Variants in SYTL1 observed in about 807,000 individuals in gnomAD.
The protein encoded by SYTL1 is synaptotagmin like 1.
In SYTL1, 53 loss-of-function variants were observed where a neutral mutation model predicts 74.6. The ratio of observed to expected loss-of-function variants is 0.71; its 90% CI spans 0.57 to 0.89. SYTL1 has a LOEUF of 0.89. Among genes scored for constraint, SYTL1 ranks in the 40% least tolerant of loss-of-function variants. The pLI is 0.00. For synonymous variants in SYTL1, 329 were observed against 324.9 expected (o/e 1.01, Z -0.14); for missense variants, 728 against 768.7 (o/e 0.95, Z 0.63).
At chr1:27,349,851 G>A in intron 8 of SYTL1, 86 bp downstream of exon 8, 1 of 1,536,144 alleles carries the variant, frequency 6.5e-7, no homozygotes, top group Non-Finnish European at 8.7e-7. Context: ...CTCGCCGCGG[G>A]ACCCACCGCT....
rs751247714 is a variant in SYTL1 at position 27,347,450 on chromosome 1, G to A, written c.221G>A (p.Gly74Glu). Residue 74 changes from glycine to glutamate, a missense_variant, in exon 3 of 15, where the codon GGG (glycine) becomes GAG (glutamate). By Grantham distance (98) the Gly-to-Glu change is moderately conservative. Transcript: ENST00000616558. This position sits in a 1 kb window ranked among gnomAD's most constrained non-coding sequence, Gnocchi z 4.9. ...SKLRASVADP[G>E]QLKILTGDWF... ...CTCCGGGCCTCAGTGGCAGACCCTG[G>A]GCAGCTGAAGATCCTGACAGGGGAC... The A allele has an allele frequency of 2.2e-5, 36 of 1,613,986 alleles. No homozygotes were observed. Among genetic ancestry groups the A allele is most frequent in the Non-Finnish European group, 3.0e-5 (35 of 1,180,046 alleles).
At position 27,343,588 on chromosome 1, in the gene SYTL1, ATG is replaced by A. The variant is rs914036776; in HGVS notation, c.-39+1450_-39+1451del. ...GTTCCTGGTGCGGGGGAGTGAGCAG[ATG>A]TGTGTGTGTGTACGTGTGTGTGTGT... On this transcript the variant is annotated intron_variant, in intron 1 of 14. Transcript: ENST00000616558. The surrounding 1 kb of genome is among the most constrained non-coding windows in gnomAD (Gnocchi z 5.2). Among the ~76,000 whole-genome samples, 30 of 148,110 alleles carry A rather than the reference ATG, an allele frequency of 2.0e-4. No homozygotes were observed. Among genetic ancestry groups the A allele is most frequent in the African/African-American group, 7.5e-4 (30 of 40,180 alleles).
At chr1:27,349,873 G>T (rs766243498) in intron 8 of SYTL1, 99 bp from the exon 9 acceptor site, 3 of 1,536,220 alleles carry the variant, frequency 2.0e-6, no homozygotes, top group South Asian at 1.2e-5. Context: ...CAGCCCCCCA[G>T]CCTGCCACCT....
intron 8 of SYTL1, 102 bp from the exon 9 acceptor site, chr1:27,349,870 C>T (rs955566495): frequency 1.3e-5 from 20 of 1,534,668 alleles, no homozygotes; most frequent in Middle Eastern, 1.8e-4. Context: ...CTGCAGCCCC[C>T]CAGCCTGCCA....
intron 2 of SYTL1, among the ~76,000 whole-genome samples, chr1:27,346,164 C>T (rs1487763432): frequency 6.6e-6 from 1 of 152,258 alleles, no homozygotes; most frequent in East Asian, 1.9e-4. Context: ...TCCACTGGGC[C>T]TCCCTGGTCG....
At position 27,347,929 on chromosome 1, in the gene SYTL1, G is replaced by T; in HGVS notation, c.414-38G>T. On this transcript the variant is annotated intron_variant, in intron 4 of 14. Transcript: ENST00000616558. The surrounding 1 kb of genome is among the most constrained non-coding windows in gnomAD (Gnocchi z 4.9). ...GGAGATGGTGCCCACCAGTCACCAG[G>T]GTCCCTCCCTCTGAGAGCGTCCTCT... 1 of 1,614,054 alleles carries T rather than the reference G, an allele frequency of 6.2e-7. No homozygotes were observed. Among genetic ancestry groups the T allele is most frequent in the Middle Eastern group, 1.6e-4 (1 of 6,062 alleles).
rs1377128689 is a variant in SYTL1 at position 27,351,276 on chromosome 1, G to A, written c.1183G>A (p.Asp395Asn). Residue 395 changes from aspartate to asparagine, a missense_variant, in exon 12 of 15, where the codon GAC becomes AAC. Physicochemically the swap from Asp to Asn is conservative, Grantham distance 23. Coordinates refer to ENST00000616558, the MANE Select transcript of SYTL1 (RefSeq NM_001193308.2). The surrounding 1 kb of genome is among the most constrained non-coding windows in gnomAD (Gnocchi z 5.0). ...CTCGCAGGTCCCACCCTCTCCCGAC[G>A]ACCTTCCGAGCCGCGGGTTACTCGC... is the stretch of plus-strand genomic sequence containing the variant. ...LQPRVPPSPD[D>N]LPSRGLLALS... 38 of 1,560,456 alleles carry A rather than the reference G, an allele frequency of 2.4e-5. No homozygotes were observed. Among genetic ancestry groups the A allele is most frequent in the Non-Finnish European group, 3.1e-5 (36 of 1,153,436 alleles).
chr1:27,350,544 G>T lies in SYTL1; in HGVS notation c.1005+59G>T. 1 of 1,435,348 alleles carries T rather than the reference G, an allele frequency of 7.0e-7. No individual in the cohort carries two copies. Among genetic ancestry groups the T allele is most frequent in the East Asian group, 2.3e-5 (1 of 43,804 alleles). The allele number at this position is 1,435,348 out of a possible 1,614,324, so 88.9% of individuals were successfully genotyped here. A position where few individuals can be genotyped will look rare whatever the true frequency, so the allele number is the denominator to read the frequency against. ...ATGAACTGGACGCCCCCTTCCTGCGGGGCTAGGTGGCAAGGGCAGCCAGTA... is the reference window on the plus strand; with the variant it reads ...ATGAACTGGACGCCCCCTTCCTGCGTGGCTAGGTGGCAAGGGCAGCCAGTA... On this transcript the variant is annotated intron_variant, in intron 10 of 14. Coordinates refer to ENST00000616558, the MANE Select transcript of SYTL1 (RefSeq NM_001193308.2). This position sits in a 1 kb window ranked among gnomAD's most constrained non-coding sequence, Gnocchi z 6.3.
At position 27,351,161 on chromosome 1, in the gene SYTL1, G is replaced by A; in HGVS notation, c.1165-97G>A. 1 of 1,438,896 alleles carries A rather than the reference G, an allele frequency of 6.9e-7. No individual in the cohort carries two copies. The allele number at this position is 1,438,896 out of a possible 1,614,324, so 89.1% of individuals were successfully genotyped here. A position where few individuals can be genotyped will look rare whatever the true frequency, so the allele number is the denominator to read the frequency against. ...AGGTTCTGCCCCTGCAGGCCCCGCCGTCTCTTCTAGCCGCACCCCATCCGG... is the reference window on the plus strand; with the variant it reads ...AGGTTCTGCCCCTGCAGGCCCCGCCATCTCTTCTAGCCGCACCCCATCCGG... On this transcript the variant is annotated intron_variant, in intron 11 of 14. Coordinates refer to ENST00000616558, the MANE Select transcript of SYTL1 (RefSeq NM_001193308.2). This position sits in a 1 kb window ranked among gnomAD's most constrained non-coding sequence, Gnocchi z 5.0.
Position 27,351,089 on chromosome 1 carries a change from G to A in SYTL1, c.1164+137G>A. The A allele has an allele frequency of 7.4e-7, 1 of 1,342,576 alleles. No individual in the cohort carries two copies. The highest frequency in any genetic ancestry group is 2.5e-5 in the East Asian group (1 of 39,728). The allele number at this position is 1,342,576 out of a possible 1,614,324, so 83.2% of individuals were successfully genotyped here. On this transcript the variant is annotated intron_variant, in intron 11 of 14. Transcript: ENST00000616558. The surrounding 1 kb of genome is among the most constrained non-coding windows in gnomAD (Gnocchi z 5.0). The stretch of plus-strand genomic sequence containing the variant: ...ACCTCTTAACCTCATGGCCCCAGGC[G>A]AAGCCCGGCCGGCCACGGCCCCTTC...
At position 27,342,718 on chromosome 1, in the gene SYTL1, CAA is replaced by C. The variant is rs1230619628; in HGVS notation, c.-39+570_-39+571del. 1.3e-5 allele frequency among the ~76,000 whole-genome samples: 2 copies of C among 152,230 alleles called. No individual in the cohort carries two copies. The highest frequency in any genetic ancestry group is 2.9e-5 in the Non-Finnish European group (2 of 68,048). Reference sequence around the variant, plus strand: ...TGCAGCATCACACTGCAACAGGACACAAAGACACACAGCAACTACACAGCTCA... The same window carrying C: ...TGCAGCATCACACTGCAACAGGACACAGACACACAGCAACTACACAGCTCA... On this transcript the variant is annotated intron_variant, in intron 1 of 14. Transcript: ENST00000616558. The surrounding 1 kb of genome is among the most constrained non-coding windows in gnomAD (Gnocchi z 4.7).
chr1:27,351,435 C>A lies in SYTL1; in HGVS notation c.1244-21C>A, dbSNP rs561121802. The stretch of plus-strand genomic sequence containing the variant: ...CGGTGGACTCCATCCGTGTGCGGGC[C>A]TGAGCCGAGCCTCTCCGCAGGCGCA... On this transcript the variant is annotated intron_variant, in intron 12 of 14. Coordinates refer to ENST00000616558, the MANE Select transcript of SYTL1 (RefSeq NM_001193308.2). The surrounding 1 kb of genome is among the most constrained non-coding windows in gnomAD (Gnocchi z 5.0). The A allele has an allele frequency of 6.6e-7, 1 of 1,513,092 alleles. No homozygotes were observed. Among genetic ancestry groups the A allele is most frequent in the African/African-American group, 1.4e-5 (1 of 72,148 alleles). 93.7% of individuals were successfully genotyped at this position (1,513,092 alleles called of 1,614,324 possible).
Position 27,350,243 on chromosome 1 carries a change from G to A in SYTL1, c.908+111G>A. ...CAAAATGGGAACAACAGCGTTATTGGGAGGCGTGCGATTAAGCGAGACAAT... is the reference window on the plus strand; with the variant it reads ...CAAAATGGGAACAACAGCGTTATTGAGAGGCGTGCGATTAAGCGAGACAAT... On this transcript the variant is annotated intron_variant, in intron 9 of 14. Transcript: ENST00000616558. The surrounding 1 kb of genome is among the most constrained non-coding windows in gnomAD (Gnocchi z 6.3). 6.7e-7 allele frequency: 1 copy of A among 1,482,620 alleles called. No individual in the cohort carries two copies. The highest frequency in any genetic ancestry group is 9.3e-7 in the Non-Finnish European group (1 of 1,074,736). 91.8% of individuals were successfully genotyped at this position (1,482,620 alleles called of 1,614,324 possible).
rs532266052 is a variant in SYTL1, at chr1:27,351,512, C to A, written c.1300C>A (p.Leu434Ile). ...LHFWVKEARD[L>I]LPLRAGSLDT... ...CTTCTGGGTGAAGGAGGCTCGGGAC[C>A]TCCTGCCGCTGCGGGCAGGATCCCT... Residue 434 changes from leucine (L) to isoleucine (I), a missense_variant, in exon 13 of 15, where the codon CTC becomes ATC. Leu to Ile is a conservative substitution (Grantham distance 5). Coordinates refer to ENST00000616558, the MANE Select transcript of SYTL1 (RefSeq NM_001193308.2). This position sits in a 1 kb window ranked among gnomAD's most constrained non-coding sequence, Gnocchi z 5.0. 4 of 1,549,124 alleles carry A rather than the reference C, an allele frequency of 2.6e-6. No homozygotes were observed. The African/African-American group carries it at 5.5e-5, about 21-fold the overall frequency.
In SYTL1 at chr1:27,347,827, C is replaced by G. The variant is rs147251579; in HGVS notation, c.360C>G (p.His120Gln). The change falls in exon 4 of 15, where the codon CAC (histidine) becomes CAG (glutamine). Residue 120 changes from histidine to glutamine, a missense_variant. His to Gln is a conservative substitution (Grantham distance 24). Transcript: ENST00000616558. The surrounding 1 kb of genome is among the most constrained non-coding windows in gnomAD (Gnocchi z 4.9). ...KSTRGDQAPG[H>Q]DREAEAAVKE... Reference sequence around the variant, plus strand: ...GCCCAGGAGACCAGGCTCCAGGCCACGACAGGGAGGCTGAGGCTGCTGTGA... The same window carrying G: ...GCCCAGGAGACCAGGCTCCAGGCCAGGACAGGGAGGCTGAGGCTGCTGTGA... The G allele has an allele frequency of 6.2e-7, 1 of 1,613,512 alleles. No individual in the cohort carries two copies. The highest frequency in any genetic ancestry group is 1.3e-5 in the African/African-American group (1 of 74,924).
chr1:27,353,346 C>T lies in SYTL1; in HGVS notation c.1407C>T (p.Leu469=), dbSNP rs2015361114. 6.2e-7 allele frequency: 1 copy of T among 1,610,372 alleles called. No individual in the cohort carries two copies. Among genetic ancestry groups the T allele is most frequent in the South Asian group, 1.1e-5 (1 of 90,082 alleles). ...GTACAAGGGTTGTGCGACGCAGCCT[C>T]AGCCCTGTGTTCAATCACACCATGG... The part of the protein sequence containing the change: ...RQRTRVVRRS[L]SPVFNHTMVY... Residue 469 remains leucine, a synonymous_variant, in exon 14 of 15, where the codon CTC becomes CTT. Transcript: ENST00000616558.
At position 27,351,574 on chromosome 1, in the gene SYTL1, C is replaced by T. The variant is rs776953541; in HGVS notation, c.1343+19C>T. On this transcript the variant is annotated intron_variant, in intron 13 of 14. Coordinates refer to ENST00000616558, the MANE Select transcript of SYTL1 (RefSeq NM_001193308.2). The surrounding 1 kb of genome is among the most constrained non-coding windows in gnomAD (Gnocchi z 5.0). ...TACAATGGTGAGGAGTGCTGGCCCT[C>T]CGGGCTTCCCATTCTTTTGCCTGCA... 75 of 1,469,464 alleles carry T rather than the reference C, an allele frequency of 5.1e-5. No individual in the cohort carries two copies. The highest frequency in any genetic ancestry group is 6.4e-5 in the Non-Finnish European group (70 of 1,095,110). The allele number at this position is 1,469,464 out of a possible 1,614,324, so 91.0% of individuals were successfully genotyped here.
chr1:27,350,884 G>A lies in SYTL1; in HGVS notation c.1096G>A (p.Glu366Lys), dbSNP rs187197622. The change falls in exon 11 of 15, where the codon GAA becomes AAA. Residue 366 changes from glutamate (E) to lysine (K), a missense_variant. Glu to Lys is a moderately conservative substitution (Grantham distance 56). Transcript: ENST00000616558. This position sits in a 1 kb window ranked among gnomAD's most constrained non-coding sequence, Gnocchi z 6.3. ...ESLGRNIFLG[E>K]VEVPLDTWDW... ...CCTGGGTCGCAACATCTTTCTGGGC[G>A]AAGTTGAAGTGCCCCTGGACACGTG... 272 of 1,613,774 alleles carry A rather than the reference G, an allele frequency of 1.7e-4. 2 individuals are homozygous for A. In the East Asian group the frequency reaches 5.1e-3, roughly 30 times the overall value.
rs1272634277 is a variant in SYTL1 at position 27,349,973 on chromosome 1, T to G, written c.749T>G (p.Leu250Arg). 1.3e-6 allele frequency: 2 copies of G among 1,573,034 alleles called. No individual in the cohort carries two copies. Among genetic ancestry groups the G allele is most frequent in the Non-Finnish European group, 1.7e-6 (2 of 1,168,510 alleles). ...ACTCCCACCCACTCCCGTCCGCAGC[T>G]GAGCGGCAGCCAGATGAGCCTGTCA... Reference protein sequence around the residue: ...SSVSSLNSSTLSGSQMSLSGD... With the variant: ...SSVSSLNSSTRSGSQMSLSGD... Residue 250 changes from leucine (L) to arginine (R), a missense_variant and splice_region_variant, in exon 9 of 15, where the codon CTG becomes CGG. By Grantham distance (102) the Leu-to-Arg change is moderately radical. Transcript: ENST00000616558.
Sources: allele counts gnomAD v4.1 joint callset (sites outside exome capture counted in the v4.1 genomes callset), GRCh38; gene constraint gnomAD v4.1.1; non-coding constraint Gnocchi (gnomAD v3.1); transcripts MANE v1.5; gene names NCBI Gene and HGNC (gene_info 2026-07-23, HGNC 2026-07-21).